The following PTPRK variants were observed in gnomAD, a reference collection of about 807,000 sequenced individuals.
The protein encoded by PTPRK is protein tyrosine phosphatase receptor type K, also known as receptor-type tyrosine-protein phosphatase kappa.
PTPRK carries 75 observed loss-of-function variants against 178.0 expected under a neutral mutation model. The ratio of observed to expected loss-of-function variants is 0.42; its 90% CI spans 0.35 to 0.51. The LOEUF is 0.51. Among genes scored for constraint, PTPRK ranks in the 20% least tolerant of loss-of-function variants. PTPRK has a pLI of 0.02. For synonymous variants in PTPRK, 637 were observed against 620.6 expected (o/e 1.03, Z -0.39); for missense variants, 1,441 against 1,797.8 (o/e 0.80, Z 3.59).
chr6:128,460,019 A>G (rs1399144950), intron 1 of PTPRK, among the ~76,000 whole-genome samples: 2 of 152,028 alleles, frequency 1.3e-5, no homozygotes, highest in Non-Finnish European at 2.9e-5. Context: ...TCTCATGAGA[A>G]CTCTACCAGG....
intron 1 of PTPRK, among the ~76,000 whole-genome samples, chr6:128,441,210 G>T (rs888794862): frequency 2.0e-5 from 3 of 152,058 alleles, no homozygotes; most frequent in Non-Finnish European, 4.4e-5. Flanking sequence ...TTCTGTAAAT[G>T]GTTCATATCT....
intron 7 of PTPRK, among the ~76,000 whole-genome samples, chr6:128,179,349 A>C (rs1801567553): frequency 6.6e-6 from 1 of 151,942 alleles, no homozygotes; most frequent in Non-Finnish European, 1.5e-5. Flanking sequence ...GAATCTAAAA[A>C]CCAAAAATTA....
rs1131228 is a variant in PTPRK, at chr6:128,322,099, C to T, written c.435G>A (p.Thr145=). The part of the protein sequence containing the change: ...ANPIWNVTGF[T]GRDWLRAELA... ...GCTCAGCCCGAAGCCAATCTCTACC[C>T]GTGAATCCAGTCACATTCCAAATTG... The change falls in exon 3 of 30, where the codon ACG becomes ACA. Residue 145 remains threonine (T), a synonymous_variant. Coordinates refer to ENST00000368226, the MANE Select transcript of PTPRK (RefSeq NM_002844.4). 27 of 1,613,822 alleles carry T rather than the reference C, an allele frequency of 1.7e-5. No individual in the cohort carries two copies. The highest frequency in any genetic ancestry group is 1.5e-4 in the Admixed American group (9 of 59,956).
At chr6:128,451,129 C>A (rs927889223) in intron 1 of PTPRK, among the ~76,000 whole-genome samples, 2 of 152,180 alleles carry the variant, frequency 1.3e-5, no homozygotes, top group African/African-American at 4.8e-5. Flanking sequence ...CCATCCTGAG[C>A]TTGACAGCTT....
rs1268043408 is a variant in PTPRK at position 128,067,778 on chromosome 6, A to G, written c.1898T>C (p.Val633Ala). Reference protein sequence around the residue: ...KGAPISAYQIVVEELHPHRTK... With the variant: ...KGAPISAYQIAVEELHPHRTK... ...TCGGTGTGGGTGCAGTTCTTCCACA[A>G]CAATCTGATAAGCACTTTGGGGAAA... The change falls in exon 12 of 30, where the codon GTT (valine) becomes GCT (alanine). Residue 633 changes from valine to alanine, a missense_variant. Coordinates refer to ENST00000368226, the MANE Select transcript of PTPRK (RefSeq NM_002844.4). The G allele has an allele frequency of 6.2e-7, 1 of 1,602,260 alleles. No homozygotes were observed.
At chr6:128,170,327 C>T (rs1398351459) in intron 7 of PTPRK, among the ~76,000 whole-genome samples, 1 of 151,916 alleles carries the variant, frequency 6.6e-6, no homozygotes, top group Admixed American at 6.6e-5. Flanking sequence ...TATACTTATC[C>T]ATCAATAGAT....
intron 6 of PTPRK, among the ~76,000 whole-genome samples, chr6:128,189,587 T>C (rs1371345716): frequency 1.3e-5 from 2 of 152,156 alleles, no homozygotes; most frequent in Non-Finnish European, 2.9e-5. Context: ...ACAGAGATGA[T>C]GAAAATCATG....
chr6:128,301,980 A>G (rs1375510623), intron 3 of PTPRK, among the ~76,000 whole-genome samples: 1 of 152,208 alleles, frequency 6.6e-6, no homozygotes, highest in Non-Finnish European at 1.5e-5. Context: ...GCCTTCTGTT[A>G]AGAATAGCAG....
intron 1 of PTPRK, among the ~76,000 whole-genome samples, chr6:128,482,562 A>G (rs762211241): frequency 6.6e-6 from 1 of 152,172 alleles, no homozygotes; most frequent in Non-Finnish European, 1.5e-5. Context: ...CTAAAAGTAA[A>G]CTAGCAATGT....
At chr6:128,480,422 CTTCT>C (rs968764747) in intron 1 of PTPRK, among the ~76,000 whole-genome samples, 3 of 152,148 alleles carry the variant, frequency 2.0e-5, no homozygotes, top group African/African-American at 7.2e-5. Context: ...GACTCTTTCT[CTTCT>C]TTATCAACAT....
intron 3 of PTPRK, among the ~76,000 whole-genome samples, chr6:128,316,159 T>C (rs1311869488): frequency 6.6e-6 from 1 of 152,172 alleles, no homozygotes; most frequent in Non-Finnish European, 1.5e-5. Flanking sequence ...AAATAATTAA[T>C]AAAGAAGTAT....
At chr6:128,491,604 A>G in intron 1 of PTPRK, 2 of 356,336 alleles carry the variant, frequency 5.6e-6, no homozygotes, top group South Asian at 4.3e-5. Context: ...TCAATTCTCA[A>G]GCTAGAAGAC....
At chr6:128,011,400 T>G (rs1286385017) in intron 13 of PTPRK, among the ~76,000 whole-genome samples, 1 of 151,216 alleles carries the variant, frequency 6.6e-6, no homozygotes, top group Non-Finnish European at 1.5e-5. Flanking sequence ...TCTTGCTTAA[T>G]GAGGTCAGTA....
In PTPRK at chr6:128,199,969, G is replaced by A. The variant is rs145221932; in HGVS notation, c.869-15244C>T. Reference sequence around the variant, plus strand: ...TCAAGTATAGGTTAGAAGGAGCAGTGGAGTTCTACAGCCATCTTTGTATGT... The same window carrying A: ...TCAAGTATAGGTTAGAAGGAGCAGTAGAGTTCTACAGCCATCTTTGTATGT... On this transcript the variant is annotated intron_variant, in intron 6 of 29. Transcript: ENST00000368226. 7.6e-3 allele frequency among the ~76,000 whole-genome samples: 1,160 copies of A among 152,186 alleles called. 5 individuals are homozygous for A. Among genetic ancestry groups the A allele is most frequent in the Non-Finnish European group, 0.012 (809 of 67,998 alleles).
chr6:128,395,735 A>T (rs1840216177), intron 2 of PTPRK, among the ~76,000 whole-genome samples: 1 of 152,204 alleles, frequency 6.6e-6, no homozygotes, highest in Non-Finnish European at 1.5e-5. Context: ...GAGTCTGCTG[A>T]CAAAGTAGGG....
At chr6:128,401,123 A>G (rs554826013) in intron 1 of PTPRK, among the ~76,000 whole-genome samples, 1 of 152,292 alleles carries the variant, frequency 6.6e-6, no homozygotes, top group South Asian at 2.1e-4. Flanking sequence ...ACGCCAATCA[A>G]TCAACTAAGG....
intron 7 of PTPRK, among the ~76,000 whole-genome samples, chr6:128,150,758 A>G (rs1224009957): frequency 6.6e-6 from 1 of 152,142 alleles, no homozygotes; most frequent in African/African-American, 2.4e-5. Context: ...GCTATGAAAA[A>G]GACAGATTTA....
chr6:128,097,666 A>T (rs541950170), intron 7 of PTPRK, among the ~76,000 whole-genome samples: 1 of 152,288 alleles, frequency 6.6e-6, no homozygotes, highest in East Asian at 1.9e-4. Flanking sequence ...ACTACAATCA[A>T]TGAATCCACT....
chr6:128,009,319 G>GA (rs1562428225), intron 13 of PTPRK, 51 bp from the exon 14 acceptor site: 8 of 1,544,918 alleles, frequency 5.2e-6, no homozygotes, highest in Admixed American at 3.8e-5. Context: ...AATAATCACA[G>GA]AAAAAAATTA....
Sources: allele counts gnomAD v4.1 joint callset (sites outside exome capture counted in the v4.1 genomes callset), GRCh38; gene constraint gnomAD v4.1.1; transcripts MANE v1.5; gene names NCBI Gene and HGNC (gene_info 2026-07-23, HGNC 2026-07-21).